EEFSEC: variants seen among roughly 807,000 people sequenced by gnomAD.
EEFSEC encodes eukaryotic elongation factor, selenocysteine-tRNA specific.
In EEFSEC, 43 loss-of-function variants were observed where a neutral mutation model predicts 42.1. That is an observed-to-expected ratio of 1.02 (90% CI 0.80 to 1.32). EEFSEC has a LOEUF of 1.32. Among genes scored for constraint, EEFSEC ranks in the 40% most tolerant of loss-of-function variants. The probability of loss-of-function intolerance (pLI) is 0.00; values close to 1 mark genes in which losing one functional copy is unlikely to be tolerated. For synonymous variants in EEFSEC, 354 were observed against 339.1 expected (o/e 1.04, Z -0.48); for missense variants, 745 against 803.6 (o/e 0.93, Z 0.88).
At chr3:128,242,025 C>T (rs1405321601) in intron 1 of EEFSEC, among the ~76,000 whole-genome samples, 1 of 152,168 alleles carries the variant, frequency 6.6e-6, no homozygotes, top group East Asian at 1.9e-4. Flanking sequence ...CAGTCAAAAA[C>T]AAATTTTGGC....
At chr3:128,279,809 T>C (rs1371524162) in intron 4 of EEFSEC, among the ~76,000 whole-genome samples, 1 of 152,238 alleles carries the variant, frequency 6.6e-6, no homozygotes, top group African/African-American at 2.4e-5. Flanking sequence ...CTGGGGGGAC[T>C]AATTCCTATG....
chr3:128,354,997 G>A (rs147987874), intron 5 of EEFSEC, among the ~76,000 whole-genome samples: 1 of 152,174 alleles, frequency 6.6e-6, no homozygotes, highest in Non-Finnish European at 1.5e-5. Flanking sequence ...GCCCGGGCTG[G>A]GCTGTTGGCT....
intron 5 of EEFSEC, 23 bp downstream of exon 5, chr3:128,341,912 C>G: frequency 6.2e-7 from 1 of 1,600,904 alleles, no homozygotes; most frequent in Non-Finnish European, 8.5e-7. Context: ...TTGCCTGGCC[C>G]CACACCCCTT....
rs532987568 is a variant in EEFSEC at position 128,368,439 on chromosome 3, A to C, written c.1600+10066A>C. Among the ~76,000 whole-genome samples, 301 of 64,202 alleles carry C rather than the reference A, an allele frequency of 4.7e-3. 2 individuals are homozygous for C. The highest frequency in any genetic ancestry group is 7.4e-3 in the Middle Eastern group (1 of 136). The allele number at this position is 64,202 out of a possible 152,430, so 42.1% of individuals were successfully genotyped here. On this transcript the variant is annotated intron_variant, in intron 6 of 6. Coordinates refer to ENST00000254730, the MANE Select transcript of EEFSEC (RefSeq NM_021937.5). ...GACAGAGCGAGACTCCATCTCCAAA[A>C]AAAACAAAAAAAAAAAAACAAAAAA...
At chr3:128,320,020 T>C (rs1222729290) in intron 4 of EEFSEC, among the ~76,000 whole-genome samples, 13 of 152,234 alleles carry the variant, frequency 8.5e-5, no homozygotes, top group Admixed American at 5.9e-4. Context: ...TTCCTGTTCA[T>C]AGGACACTGT....
At chr3:128,303,841 C>G (rs913636543) in intron 4 of EEFSEC, among the ~76,000 whole-genome samples, 1 of 152,078 alleles carries the variant, frequency 6.6e-6, no homozygotes, top group Admixed American at 6.5e-5. Context: ...ATGTAGCCTA[C>G]CTTTATTTTG....
At chr3:128,259,662 G>C (rs2955097) in intron 2 of EEFSEC, among the ~76,000 whole-genome samples, 128,592 of 152,218 alleles carry the variant, frequency 0.84, 54,715 homozygotes, top group East Asian at 0.99. Context: ...TTCTCTGTGC[G>C]CCACCAGCCT....
intron 2 of EEFSEC, among the ~76,000 whole-genome samples, chr3:128,254,404 A>G (rs78539841): frequency 0.026 from 3,969 of 152,272 alleles, 168 homozygotes; most frequent in African/African-American, 0.089. Flanking sequence ...CGTGAGTTCC[A>G]CACGGCACTT....
At chr3:128,232,029 C>G (rs1201309725) in intron 1 of EEFSEC, among the ~76,000 whole-genome samples, 2 of 152,120 alleles carry the variant, frequency 1.3e-5, no homozygotes, top group Non-Finnish European at 2.9e-5. Flanking sequence ...ATTCTTGTAT[C>G]CATATTTGGT....
At chr3:128,275,869 C>T (rs2066462772) in intron 4 of EEFSEC, among the ~76,000 whole-genome samples, 1 of 152,158 alleles carries the variant, frequency 6.6e-6, no homozygotes, top group Non-Finnish European at 1.5e-5. Context: ...TTTGGAAGGC[C>T]GAGTCTAGAA....
At chr3:128,400,676 A>C (rs975222180) in intron 6 of EEFSEC, among the ~76,000 whole-genome samples, 4 of 152,174 alleles carry the variant, frequency 2.6e-5, no homozygotes, top group African/African-American at 9.7e-5. Flanking sequence ...CAAGCCACCC[A>C]CCAGCGTGGA....
chr3:128,397,733 C>G (rs531536737), intron 6 of EEFSEC, among the ~76,000 whole-genome samples: 5 of 152,284 alleles, frequency 3.3e-5, no homozygotes, highest in African/African-American at 4.8e-5. Flanking sequence ...GGCCTCTACT[C>G]ATCAAGTGCA....
chr3:128,411,914 C>T (rs1256621801), downstream of EEFSEC, among the ~76,000 whole-genome samples: 1 of 152,230 alleles, frequency 6.6e-6, no homozygotes, highest in Non-Finnish European at 1.5e-5. Context: ...ATCTCCAAGC[C>T]TGTGCTGACG....
chr3:128,337,820 G>T (rs1347955978), intron 4 of EEFSEC, among the ~76,000 whole-genome samples: 1 of 152,154 alleles, frequency 6.6e-6, no homozygotes, highest in East Asian at 1.9e-4. Flanking sequence ...GTATCAATGG[G>T]GTGTCTTGGG....
intron 3 of EEFSEC, among the ~76,000 whole-genome samples, chr3:128,264,224 A>C (rs910887553): frequency 6.6e-6 from 1 of 152,158 alleles, no homozygotes; most frequent in Non-Finnish European, 1.5e-5. Context: ...GAGGAGTTTT[A>C]AATTCTGAAG....
intron 6 of EEFSEC, among the ~76,000 whole-genome samples, chr3:128,401,804 A>G (rs1030629623): frequency 2.0e-5 from 3 of 152,174 alleles, no homozygotes; most frequent in African/African-American, 4.8e-5. Flanking sequence ...CACACCTCCC[A>G]GTCGTTGCCC....
chr3:128,362,123 C>A, intron 6 of EEFSEC: 2 of 432,370 alleles, frequency 4.6e-6, no homozygotes, highest in Non-Finnish European at 9.7e-6. Flanking sequence ...AGAAGCACTG[C>A]ACCTGGGAGG....
At chr3:128,350,806 G>A (rs1222652684) in intron 5 of EEFSEC, among the ~76,000 whole-genome samples, 1 of 152,176 alleles carries the variant, frequency 6.6e-6, no homozygotes, top group Admixed American at 6.5e-5. Context: ...TTTAAGAGCT[G>A]GTCAGGCGTT....
chr3:128,370,482 G>T (rs891914224), intron 6 of EEFSEC, among the ~76,000 whole-genome samples: 1 of 152,114 alleles, frequency 6.6e-6, no homozygotes, highest in Non-Finnish European at 1.5e-5. Context: ...TAAAGGCCCC[G>T]GTCTGGCAGC....
Sources: allele counts gnomAD v4.1 joint callset (sites outside exome capture counted in the v4.1 genomes callset), GRCh38; gene constraint gnomAD v4.1.1; transcripts MANE v1.5; gene names NCBI Gene and HGNC (gene_info 2026-07-23, HGNC 2026-07-21).